The following WDR47 variants were observed in gnomAD, a reference collection of about 807,000 sequenced individuals.
WDR47 encodes the protein WD repeat-containing protein 47.
A neutral mutation model predicts 97.2 loss-of-function variants in WDR47; 32 were observed. That is an observed-to-expected ratio of 0.33 (90% CI 0.25 to 0.44). WDR47 has a LOEUF of 0.44. Ranked by LOEUF, WDR47 falls within the 20% of genes least tolerant of loss-of-function variation. The pLI is 1.00. For missense variants in WDR47, 782 were observed against 1,102.3 expected, an observed-to-expected ratio of 0.71 and a Z score of 4.11; for synonymous variants, 375 against 373.5, an observed-to-expected ratio of 1.00 and a Z score of -0.05.
rs1658963196 is a variant in WDR47 at position 108,987,907 on chromosome 1, CTCAAGTTTTTCT to C, written c.1768-1239_1768-1228del. ...CTAAACTAAGCTCAGTTCATAAACA[CTCAAGTTTTTCT>C]TCAATTATTAAGACAAAATGTAAGA... On this transcript the variant is annotated intron_variant, in intron 9 of 14. Transcript: ENST00000369962. 3.9e-5 allele frequency among the ~76,000 whole-genome samples: 6 copies of C among 151,954 alleles called. No individual in the cohort carries two copies. In the South Asian group the frequency reaches 1.2e-3, roughly 32 times the overall value.
chr1:109,031,927 G>A (rs752548796), intron 1 of WDR47, among the ~76,000 whole-genome samples: 1 of 134,556 alleles, frequency 7.4e-6, no homozygotes, highest in African/African-American at 2.7e-5. Context: ...AGCCTTCCCA[G>A]TAATTGGGAC....
chr1:109,004,442 G>C (rs535646271), intron 6 of WDR47, 150 bp downstream of exon 6: 27 of 980,250 alleles, frequency 2.8e-5, no homozygotes, highest in Non-Finnish European at 3.5e-5. Context: ...TCGTTGAAGA[G>C]AGGAGAGAAA....
At chr1:108,993,383 C>T (rs561435433) in intron 8 of WDR47, among the ~76,000 whole-genome samples, 8 of 151,600 alleles carry the variant, frequency 5.3e-5, no homozygotes, top group African/African-American at 1.9e-4. Flanking sequence ...AATCAGAACA[C>T]TAAAACTGGA....
Position 109,023,516 on chromosome 1 carries a change from G to C in WDR47, c.-4C>G. 6.2e-7 allele frequency: 1 copy of C among 1,610,846 alleles called. No individual in the cohort carries two copies. The highest frequency in any genetic ancestry group is 8.5e-7 in the Non-Finnish European group (1 of 1,178,268). ...TCACTGTTTCTTCAGCCGTCATATT[G>C]ATAGCCTAAATATGAAACAGAAAAA... is the stretch of plus-strand genomic sequence containing the variant. On this transcript the variant is annotated 5_prime_UTR_variant, in exon 2 of 15. It adds an upstream start codon to the 5' untranslated region. Transcript: ENST00000369962.
intron 1 of WDR47, among the ~76,000 whole-genome samples, chr1:109,029,235 TAAG>T (rs1662442174): frequency 6.6e-6 from 1 of 152,230 alleles, no homozygotes; most frequent in Admixed American, 6.5e-5. Flanking sequence ...TAATAATACA[TAAG>T]AAACTGCCGG....
chr1:108,981,919 T>C (rs944329078), intron 12 of WDR47, 55 bp from the exon 13 acceptor site: 23 of 1,565,106 alleles, frequency 1.5e-5, no homozygotes, highest in Admixed American at 1.8e-5. Flanking sequence ...TTCCATAACA[T>C]ATTCAAAGCT....
chr1:108,983,810 A>G (rs184838468), intron 10 of WDR47, among the ~76,000 whole-genome samples: 80 of 152,298 alleles, frequency 5.3e-4, no homozygotes, highest in Admixed American at 4.9e-3. Flanking sequence ...ATAAGCATGT[A>G]ATAAACATAT....
chr1:108,976,839 T>C (rs1452298431), intron 13 of WDR47, among the ~76,000 whole-genome samples: 1 of 152,130 alleles, frequency 6.6e-6, no homozygotes, highest in South Asian at 2.1e-4. Flanking sequence ...GAGCTTGGCA[T>C]GTTCCAGGAA....
chr1:109,017,893 C>T (rs1661535834), intron 2 of WDR47, among the ~76,000 whole-genome samples: 1 of 151,556 alleles, frequency 6.6e-6, no homozygotes, highest in South Asian at 2.1e-4. Flanking sequence ...ACTATAGGCT[C>T]GCACCACTAA....
intron 8 of WDR47, among the ~76,000 whole-genome samples, chr1:108,993,319 C>CT (rs1659508810): frequency 6.7e-6 from 1 of 148,176 alleles, no homozygotes; most frequent in Admixed American, 6.7e-5. Flanking sequence ...AAGTGAGACA[C>CT]TGTCTCAAAA....
intron 1 of WDR47, among the ~76,000 whole-genome samples, chr1:109,031,431 C>CT (rs1316271113): frequency 7.2e-6 from 1 of 139,336 alleles, no homozygotes. Context: ...ATTGGTGATA[C>CT]TGGTTGTATC....
chr1:108,984,069 G>T (rs751410032), intron 10 of WDR47, among the ~76,000 whole-genome samples: 23 of 152,104 alleles, frequency 1.5e-4, no homozygotes, highest in Non-Finnish European at 2.4e-4. Context: ...GAAAGTACTG[G>T]CTGAGCATGC....
intron 9 of WDR47, among the ~76,000 whole-genome samples, chr1:108,990,119 T>C (rs1012033507): frequency 6.6e-6 from 1 of 152,152 alleles, no homozygotes; most frequent in African/African-American, 2.4e-5. Flanking sequence ...CCTGGCATTT[T>C]GGGAGGTCGA....
intron 8 of WDR47, 48 bp downstream of exon 8, chr1:108,995,532 A>T: frequency 6.2e-7 from 1 of 1,600,980 alleles, no homozygotes; most frequent in Non-Finnish European, 8.5e-7. Context: ...CCTTCTAACC[A>T]TTAGTAGTAA....
intron 1 of WDR47, among the ~76,000 whole-genome samples, chr1:109,035,668 G>T (rs1039768373): frequency 6.6e-6 from 1 of 151,580 alleles, no homozygotes; most frequent in African/African-American, 2.4e-5. Flanking sequence ...CAGCTATTTT[G>T]CATTTTTAGT....
At chr1:109,037,956 C>T (rs770901380) in intron 1 of WDR47, among the ~76,000 whole-genome samples, 41 of 151,980 alleles carry the variant, frequency 2.7e-4, no homozygotes, top group Non-Finnish European at 4.1e-4. Flanking sequence ...CCTCAGCCTC[C>T]CCAGTAGCTA....
chr1:108,991,781 C>T (rs1230478450), intron 8 of WDR47, among the ~76,000 whole-genome samples: 1 of 152,010 alleles, frequency 6.6e-6, no homozygotes, highest in Non-Finnish European at 1.5e-5. Flanking sequence ...ACAGATCCAC[C>T]CACATATGTA....
chr1:108,996,722 C>T (rs1246054676), intron 7 of WDR47, among the ~76,000 whole-genome samples: 1 of 152,218 alleles, frequency 6.6e-6, no homozygotes, highest in Non-Finnish European at 1.5e-5. Flanking sequence ...AGCCTCAGGG[C>T]CTTGCCCTCA....
intron 5 of WDR47, among the ~76,000 whole-genome samples, chr1:109,006,649 A>G (rs1660647058): frequency 1.3e-5 from 2 of 152,228 alleles, no homozygotes; most frequent in Non-Finnish European, 2.9e-5. Flanking sequence ...AAGAGGTAAC[A>G]GACTCAAAAA....
Sources: gnomAD v4.1 joint callset for allele counts (sites outside exome capture counted in the v4.1 genomes callset) on GRCh38, gnomAD v4.1.1 for gene constraint, MANE v1.5 for transcripts, NCBI Gene and HGNC (gene_info 2026-07-23, HGNC 2026-07-21) for gene names.